ERC1: variants seen among roughly 807,000 people sequenced by gnomAD.
ERC1 encodes RAB6 interacting protein 2.
In ERC1, 56 loss-of-function variants were observed where a neutral mutation model predicts 132.0. The observed-to-expected ratio is 0.42, with a 90% CI of 0.34 to 0.53. The LOEUF (loss-of-function observed/expected upper bound fraction) is 0.53. ERC1 is among the 20% of genes least tolerant of loss of function. The pLI is 0.03. For missense variants in ERC1, 1,202 were observed against 1,349.9 expected, an observed-to-expected ratio of 0.89 and a Z score of 1.72; for synonymous variants, 478 against 476.1, an observed-to-expected ratio of 1.00 and a Z score of -0.05.
At chr12:1,247,659 G>A (rs1298544426) in intron 13 of ERC1, among the ~76,000 whole-genome samples, 7 of 152,182 alleles carry the variant, frequency 4.6e-5, no homozygotes, top group African/African-American at 1.7e-4. Flanking sequence ...CAGATATTAT[G>A]TTCTCATATT....
intron 4 of ERC1, among the ~76,000 whole-genome samples, chr12:1,108,045 T>C (rs896912064): frequency 6.6e-6 from 1 of 152,188 alleles, no homozygotes; most frequent in Non-Finnish European, 1.5e-5. Flanking sequence ...CTGGTTGGAA[T>C]GACTTTCCTT....
intron 7 of ERC1, among the ~76,000 whole-genome samples, chr12:1,126,687 G>A (rs1056712632): frequency 2.0e-5 from 3 of 151,986 alleles, no homozygotes; most frequent in African/African-American, 4.8e-5. Flanking sequence ...TTCAGATAAA[G>A]AATAAAAAAG....
intron 1 of ERC1, among the ~76,000 whole-genome samples, chr12:1,016,514 G>C (rs1965525132): frequency 6.6e-6 from 1 of 152,062 alleles, no homozygotes; most frequent in African/African-American, 2.4e-5. Flanking sequence ...AATCATTGTG[G>C]GTAGAAGTAT....
chr12:1,244,526 GTT>G, intron 13 of ERC1: 1 of 451,408 alleles, frequency 2.2e-6, no homozygotes, highest in Non-Finnish European at 4.4e-6. Context: ...TTGTTTGTTT[GTT>G]TGTTTGTTTT....
intron 8 of ERC1, among the ~76,000 whole-genome samples, chr12:1,149,082 A>T (rs1284443356): frequency 6.6e-6 from 1 of 150,950 alleles, no homozygotes; most frequent in Admixed American, 6.5e-5. Context: ...TTTAGTATCC[A>T]TAAAAAATAA....
At chr12:1,220,038 C>A (rs1411477667) in intron 12 of ERC1, among the ~76,000 whole-genome samples, 1 of 152,150 alleles carries the variant, frequency 6.6e-6, no homozygotes, top group Non-Finnish European at 1.5e-5. Flanking sequence ...CCATATACTC[C>A]ACCTATCAGC....
chr12:1,060,021 G>T (rs1394054619), intron 2 of ERC1, among the ~76,000 whole-genome samples: 2 of 152,174 alleles, frequency 1.3e-5, no homozygotes, highest in Non-Finnish European at 2.9e-5. Context: ...GTTACTTGGT[G>T]TTGTTCTGTT....
chr12:1,000,221 A>G (rs1446524219), intron 1 of ERC1, among the ~76,000 whole-genome samples: 1 of 152,148 alleles, frequency 6.6e-6, no homozygotes, highest in African/African-American at 2.4e-5. Flanking sequence ...ACAGTGGCTC[A>G]CGCCTGTAAT....
chr12:1,130,811 A>G (rs550678897), intron 7 of ERC1, among the ~76,000 whole-genome samples: 2 of 152,258 alleles, frequency 1.3e-5, no homozygotes, highest in African/African-American at 2.4e-5. Flanking sequence ...TGTCAGTCCC[A>G]TGGCTCAGTG....
At chr12:1,277,557 A>G (rs962080357) in intron 14 of ERC1, among the ~76,000 whole-genome samples, 4 of 152,178 alleles carry the variant, frequency 2.6e-5, no homozygotes, top group African/African-American at 4.8e-5. Context: ...GCTTGCTCTT[A>G]TAAGTCTTAA....
chr12:1,182,470 C>T (rs1347121457), intron 10 of ERC1, among the ~76,000 whole-genome samples: 2 of 152,160 alleles, frequency 1.3e-5, no homozygotes, highest in African/African-American at 4.8e-5. Context: ...ACTTAATATA[C>T]TTTGGTCTTG....
intron 17 of ERC1, 94 bp from the exon 18 acceptor site, chr12:1,444,468 A>G: frequency 1.2e-6 from 1 of 852,414 alleles, no homozygotes; most frequent in South Asian, 2.0e-5. Flanking sequence ...ATTTTCTTTG[A>G]CTTGGAAAGC....
intron 17 of ERC1, among the ~76,000 whole-genome samples, chr12:1,434,016 A>G (rs1393944386): frequency 6.7e-6 from 1 of 149,062 alleles, no homozygotes; most frequent in East Asian, 2.0e-4. Flanking sequence ...ACTCCCTGGT[A>G]GGAGAACCAG....
intron 13 of ERC1, among the ~76,000 whole-genome samples, chr12:1,245,247 T>C (rs1291296214): frequency 6.6e-6 from 1 of 151,928 alleles, no homozygotes; most frequent in Non-Finnish European, 1.5e-5. Context: ...TTTTCTCTTC[T>C]GTTCCTCTAG....
chr12:1,110,118 T>C, intron 4 of ERC1, 74 bp from the exon 5 acceptor site: 3 of 1,265,252 alleles, frequency 2.4e-6, no homozygotes, highest in Non-Finnish European at 3.3e-6. Flanking sequence ...ATGTAACTTC[T>C]TTAAATATCA....
intron 2 of ERC1, among the ~76,000 whole-genome samples, chr12:1,036,492 A>G (rs1389145397): frequency 6.6e-6 from 1 of 151,392 alleles, no homozygotes; most frequent in Non-Finnish European, 1.5e-5. Context: ...CTCCTGCCTC[A>G]GCCTCCTGAG....
chr12:1,140,520 A>G (rs1402091505), intron 7 of ERC1, among the ~76,000 whole-genome samples: 5 of 152,130 alleles, frequency 3.3e-5, no homozygotes, highest in Non-Finnish European at 7.4e-5. Context: ...AGTTTGGAGC[A>G]TTTTGGATTT....
intron 17 of ERC1, among the ~76,000 whole-genome samples, chr12:1,437,734 C>T (rs1346922116): frequency 6.6e-6 from 1 of 152,140 alleles, no homozygotes; most frequent in Non-Finnish European, 1.5e-5. Context: ...TCTCTTCATA[C>T]CTGAATCCAG....
chr12:1,433,978 CAAAA>C (rs763612916), intron 17 of ERC1, among the ~76,000 whole-genome samples: 2 of 46,290 alleles, frequency 4.3e-5, no homozygotes, highest in African/African-American at 7.1e-5. Context: ...GACCCTGTCT[CAAAA>C]AAAAAAAAAA....
Sources: gnomAD v4.1 joint callset for allele counts (sites outside exome capture counted in the v4.1 genomes callset) on GRCh38, gnomAD v4.1.1 for gene constraint, MANE v1.5 for transcripts, NCBI Gene and HGNC (gene_info 2026-07-23, HGNC 2026-07-21) for gene names.